AUTS2: variants seen among roughly 807,000 people sequenced by gnomAD.
AUTS2 encodes autism susceptibility gene 2 protein.
In AUTS2, 17 loss-of-function variants were observed where a neutral mutation model predicts 112.4. That is an observed-to-expected ratio of 0.15 (90% CI 0.10 to 0.23). The LOEUF is 0.23. Ranked by LOEUF, AUTS2 falls within the 10% of genes least tolerant of loss-of-function variation. AUTS2 has a pLI of 1.00. For missense variants in AUTS2, 1,510 were observed against 1,701.6 expected, an observed-to-expected ratio of 0.89 and a Z score of 1.98; for synonymous variants, 751 against 702.7, an observed-to-expected ratio of 1.07 and a Z score of -1.09.
Position 70,677,248 on chromosome 7 carries a change from C to T in AUTS2, c.691-21321C>T, listed in dbSNP as rs564506441. Among the ~76,000 whole-genome samples the T allele has an allele frequency of 7.9e-5, 12 of 152,290 alleles. No individual in the cohort carries two copies. In the East Asian group the frequency reaches 1.4e-3, roughly 17 times the overall value. Reference sequence around the variant, plus strand: ...TTGGTTGTGTTTTCTTTTCACGCCACGACATTCCCTCATCTCTTTGCAGAA... The same window carrying T: ...TTGGTTGTGTTTTCTTTTCACGCCATGACATTCCCTCATCTCTTTGCAGAA... On this transcript the variant is annotated intron_variant, in intron 5 of 18. Coordinates refer to ENST00000342771, the MANE Select transcript of AUTS2 (RefSeq NM_015570.4).
intron 1 of AUTS2, among the ~76,000 whole-genome samples, chr7:69,708,308 GTCTC>G (rs1291292638): frequency 5.4e-5 from 5 of 92,606 alleles, no homozygotes; most frequent in African/African-American, 1.7e-4. Context: ...ACCTTTTTGA[GTCTC>G]TCTCTTCTTT....
At chr7:70,037,586 T>C (rs1801063585) in intron 2 of AUTS2, among the ~76,000 whole-genome samples, 1 of 152,188 alleles carries the variant, frequency 6.6e-6, no homozygotes, top group Admixed American at 6.5e-5. Flanking sequence ...TTTTATATAA[T>C]TTTTTGGTAG....
intron 16 of AUTS2, chr7:70,785,497 GT>G: frequency 2.1e-6 from 1 of 467,512 alleles, no homozygotes; most frequent in Non-Finnish European, 4.3e-6. Context: ...TGGCCTTTGT[GT>G]ATTCGATCCC....
At chr7:70,133,558 G>A (rs1806386855) in intron 3 of AUTS2, among the ~76,000 whole-genome samples, 1 of 152,158 alleles carries the variant, frequency 6.6e-6, no homozygotes, top group African/African-American at 2.4e-5. Flanking sequence ...AGGTCATTTT[G>A]CTTCTGGGAA....
intron 2 of AUTS2, among the ~76,000 whole-genome samples, chr7:69,915,009 A>G (rs1010722168): frequency 6.6e-6 from 1 of 152,198 alleles, no homozygotes; most frequent in Admixed American, 6.5e-5. Context: ...CTGACATAAC[A>G]GGGAGGATAT....
At chr7:70,640,591 G>GTGTC (rs1404152662) in intron 5 of AUTS2, among the ~76,000 whole-genome samples, 1 of 151,990 alleles carries the variant, frequency 6.6e-6, no homozygotes, top group African/African-American at 2.4e-5. Context: ...GTGTGTGTGT[G>GTGTC]TGTAAGTGTG....
chr7:70,171,331 C>T (rs748448482), intron 4 of AUTS2, among the ~76,000 whole-genome samples: 17 of 152,172 alleles, frequency 1.1e-4, no homozygotes, highest in Non-Finnish European at 1.9e-4. Context: ...TGTTTGCCCA[C>T]CTGTCCTTTA....
At chr7:70,445,937 G>C (rs929067523) in intron 5 of AUTS2, among the ~76,000 whole-genome samples, 5 of 152,118 alleles carry the variant, frequency 3.3e-5, no homozygotes, top group African/African-American at 1.2e-4. Context: ...GGAAGAGCAG[G>C]GCTGGAGCAG....
intron 2 of AUTS2, among the ~76,000 whole-genome samples, chr7:70,062,650 A>T (rs1002103351): frequency 9.2e-5 from 14 of 152,218 alleles, no homozygotes; most frequent in Non-Finnish European, 4.4e-5. Flanking sequence ...TTTCTAAATT[A>T]TAGTGCTTCT....
rs553151906 is a variant in AUTS2 at position 70,443,610 on chromosome 7, G to T, written c.690+7829G>T. 7.9e-5 allele frequency among the ~76,000 whole-genome samples: 12 copies of T among 152,250 alleles called. No individual in the cohort carries two copies. In the South Asian group the frequency reaches 2.5e-3, roughly 32 times the overall value. ...GAATAAACATATAGGGGACATACTC[G>T]GGTATATGTGTGTGTACTCTCAAGC... On this transcript the variant is annotated intron_variant, in intron 5 of 18. Transcript: ENST00000342771.
intron 2 of AUTS2, among the ~76,000 whole-genome samples, chr7:70,117,337 A>G (rs1037571173): frequency 6.6e-5 from 10 of 152,106 alleles, no homozygotes; most frequent in Non-Finnish European, 1.5e-4. Context: ...CCAGTGTTTG[A>G]AGGATAACAT....
chr7:69,627,455 C>T (rs142786402), intron 1 of AUTS2, among the ~76,000 whole-genome samples: 5,212 of 152,074 alleles, frequency 0.034, 122 homozygotes, highest in Middle Eastern at 0.082. Context: ...CACGCCATTG[C>T]ACTCCAACCT....
chr7:70,695,930 C>T (rs1391640311), intron 5 of AUTS2, among the ~76,000 whole-genome samples: 1 of 152,164 alleles, frequency 6.6e-6, no homozygotes, highest in Admixed American at 6.5e-5. Context: ...ATCTTCAAGT[C>T]TGTAGCGGGT....
intron 5 of AUTS2, among the ~76,000 whole-genome samples, chr7:70,671,783 TTGTCAACC>T (rs1807659549): frequency 2.0e-5 from 3 of 152,168 alleles, no homozygotes; most frequent in Non-Finnish European, 4.4e-5. Context: ...TCTCTTTGCG[TTGTCAACC>T]TGGAAGGAAG....
chr7:70,704,804 T>A (rs1320848275), intron 6 of AUTS2, among the ~76,000 whole-genome samples: 1 of 152,172 alleles, frequency 6.6e-6, no homozygotes, highest in African/African-American at 2.4e-5. Flanking sequence ...TGCAGAAAAA[T>A]GTTGTTTTCT....
intron 1 of AUTS2, among the ~76,000 whole-genome samples, chr7:69,810,881 A>G (rs757473013): frequency 6.6e-5 from 10 of 152,328 alleles, no homozygotes; most frequent in Non-Finnish European, 1.3e-4. Context: ...TAAAATGACA[A>G]TATTATACCC....
chr7:70,788,903 T>C lies in AUTS2; in HGVS notation c.2532-845T>C, dbSNP rs142648212. Among the ~76,000 whole-genome samples, 589 of 152,306 alleles carry C rather than the reference T, an allele frequency of 3.9e-3. 2 individuals carry two copies. The highest frequency in any genetic ancestry group is 6.8e-3 in the Non-Finnish European group (461 of 68,032). On this transcript the variant is annotated intron_variant, in intron 18 of 18. Transcript: ENST00000342771. Reference sequence around the variant, plus strand: ...TTTTAACTCAAGTTTTACCTTATTGTCATTCCATTTGTTTTTGCATTTTCT... The same window carrying C: ...TTTTAACTCAAGTTTTACCTTATTGCCATTCCATTTGTTTTTGCATTTTCT...
At chr7:70,072,247 A>G (rs1485243544) in intron 2 of AUTS2, among the ~76,000 whole-genome samples, 1 of 152,024 alleles carries the variant, frequency 6.6e-6, no homozygotes, top group Non-Finnish European at 1.5e-5. Context: ...TTTTCTGGGT[A>G]AAAATCAGAG....
chr7:70,700,261 G>C (rs1809379075), intron 6 of AUTS2, among the ~76,000 whole-genome samples: 1 of 152,136 alleles, frequency 6.6e-6, no homozygotes, highest in South Asian at 2.1e-4. Flanking sequence ...CCCCCTGACA[G>C]GGTGCCTTTC....
Sources: allele counts gnomAD v4.1 joint callset (sites outside exome capture counted in the v4.1 genomes callset), GRCh38; gene constraint gnomAD v4.1.1; transcripts MANE v1.5; gene names NCBI Gene and HGNC (gene_info 2026-07-23, HGNC 2026-07-21).